The following PPFIA2 variants were observed in gnomAD, a reference collection of about 807,000 sequenced individuals.
PPFIA2 encodes the protein liprin-alpha-2.
A neutral mutation model predicts 175.5 loss-of-function variants in PPFIA2; 46 were observed. That is an observed-to-expected ratio of 0.26 (90% CI 0.21 to 0.34). PPFIA2 has a LOEUF of 0.34. Among genes scored for constraint, PPFIA2 ranks in the 10% least tolerant of loss-of-function variants. The pLI is 1.00. For missense variants in PPFIA2, 1,179 were observed against 1,506.1 expected (o/e 0.78, Z 3.60); for synonymous variants, 568 against 511.4 (o/e 1.11, Z -1.49).
At position 81,358,098 on chromosome 12, in the gene PPFIA2, C is replaced by T. The variant is rs1250212977; in HGVS notation, c.1757G>A (p.Arg586Gln). The T allele has an allele frequency of 5.0e-6, 8 of 1,603,732 alleles. No homozygotes were observed. The highest frequency in any genetic ancestry group is 1.7e-4 in the Middle Eastern group (1 of 6,058). Residue 586 changes from arginine (R) to glutamine (Q), a missense_variant, in exon 16 of 33, where the codon CGA becomes CAA. Around this residue, in one of 10 missense-constraint regions of PPFIA2, gnomAD observed 186 missense variants for 163.6 expected, o/e 1.14. Coordinates refer to ENST00000549396, the MANE Select transcript of PPFIA2 (RefSeq NM_003625.5). ...AAGATTAACCTTTGGCTCATCTCTT[C>T]GCACACCCATGCGGCCTCTCCTTGG... ...RRPRRGRMGVRRDEPKVKSLG... is the reference protein window; with the variant it reads ...RRPRRGRMGVQRDEPKVKSLG...
intron 3 of PPFIA2, among the ~76,000 whole-genome samples, chr12:81,697,783 CA>C (rs1205299066): frequency 9.2e-5 from 14 of 152,100 alleles, no homozygotes; most frequent in African/African-American, 3.1e-4. Context: ...CTGGATCAAT[CA>C]GTGTCTGCAT....
chr12:81,593,367 T>A (rs1055182795), intron 4 of PPFIA2, among the ~76,000 whole-genome samples: 22 of 152,196 alleles, frequency 1.4e-4, no homozygotes, highest in African/African-American at 5.3e-4. Context: ...CACAAGCAAA[T>A]TTACATTTAT....
At chr12:81,422,971 G>T (rs2046550014) in intron 7 of PPFIA2, among the ~76,000 whole-genome samples, 1 of 151,944 alleles carries the variant, frequency 6.6e-6, no homozygotes, top group African/African-American at 2.4e-5. Context: ...AAAATATAAA[G>T]GATCATAAGA....
chr12:81,732,705 A>G (rs913605432), intron 3 of PPFIA2, among the ~76,000 whole-genome samples: 1 of 151,610 alleles, frequency 6.6e-6, no homozygotes, highest in Non-Finnish European at 1.5e-5. Flanking sequence ...ATAATTGCTC[A>G]TGATATGTTA....
chr12:81,636,362 T>G (rs2064038400), intron 4 of PPFIA2, among the ~76,000 whole-genome samples: 1 of 146,854 alleles, frequency 6.8e-6, no homozygotes, highest in East Asian at 2.1e-4. Flanking sequence ...GCCTCCCGGG[T>G]TCACGCCATT....
intron 28 of PPFIA2, among the ~76,000 whole-genome samples, chr12:81,273,098 T>C (rs1410070548): frequency 6.6e-6 from 1 of 152,230 alleles, no homozygotes; most frequent in East Asian, 1.9e-4. Flanking sequence ...TACTGTATTA[T>C]CATGAGATTA....
chr12:81,404,461 T>C (rs1328596432), intron 8 of PPFIA2, among the ~76,000 whole-genome samples: 1 of 152,162 alleles, frequency 6.6e-6, no homozygotes, highest in African/African-American at 2.4e-5. Flanking sequence ...CTAAACTGAG[T>C]GCTGAGTGAA....
At chr12:81,271,148 T>C (rs2038980142) in intron 28 of PPFIA2, among the ~76,000 whole-genome samples, 2 of 152,276 alleles carry the variant, frequency 1.3e-5, no homozygotes, top group Admixed American at 6.5e-5. Context: ...CCATTTAATA[T>C]TATTACTTTG....
Position 81,365,202 on chromosome 12 carries a change from A to G in PPFIA2, c.1545+1906T>C, listed in dbSNP as rs568076668. On this transcript the variant is annotated intron_variant, in intron 14 of 32. Coordinates refer to ENST00000549396, the MANE Select transcript of PPFIA2 (RefSeq NM_003625.5). ...TTGTAGAGATAAAGATGGAAAGGGA[A>G]ACACTGAGAAAAGAGTTTGAGCCTA... is the stretch of plus-strand genomic sequence containing the variant. 2.0e-5 allele frequency among the ~76,000 whole-genome samples: 3 copies of G among 151,888 alleles called. No individual in the cohort carries two copies. The South Asian group carries it at 6.2e-4, about 31-fold the overall frequency.
chr12:81,408,249 T>G (rs549298579), intron 7 of PPFIA2, among the ~76,000 whole-genome samples: 7 of 152,194 alleles, frequency 4.6e-5, no homozygotes, highest in Non-Finnish European at 1.0e-4. Flanking sequence ...AACTTATTGC[T>G]TTTTGCATAA....
intron 22 of PPFIA2, chr12:81,312,094 G>GAAAAAAGAAA (rs2051057838): frequency 6.7e-7 from 1 of 1,491,752 alleles, no homozygotes; most frequent in Non-Finnish European, 9.0e-7. Context: ...GTAATACTCT[G>GAAAAAAGAAA]AAAAAAGAAA....
chr12:81,407,464 C>G (rs966117867), intron 7 of PPFIA2, among the ~76,000 whole-genome samples: 1 of 146,618 alleles, frequency 6.8e-6, no homozygotes, highest in Admixed American at 6.8e-5. Context: ...GCCTGGGCGA[C>G]AGAGGGAGAC....
intron 4 of PPFIA2, among the ~76,000 whole-genome samples, chr12:81,584,120 T>C (rs938794723): frequency 2.0e-5 from 3 of 151,884 alleles, no homozygotes; most frequent in Non-Finnish European, 4.4e-5. Flanking sequence ...GAAAATATAC[T>C]TCACATCTAA....
intron 13 of PPFIA2, chr12:81,368,188 C>T (rs1161531865): frequency 2.3e-6 from 3 of 1,276,770 alleles, no homozygotes; most frequent in East Asian, 1.1e-4. Flanking sequence ...ACATATATAA[C>T]TGTAAATCAC....
At chr12:81,611,726 C>T (rs115364498) in intron 4 of PPFIA2, among the ~76,000 whole-genome samples, 1,579 of 152,172 alleles carry the variant, frequency 0.01, 32 homozygotes, top group African/African-American at 0.033. Flanking sequence ...AGTGGGGAGG[C>T]GGGCCCAAGT....
chr12:81,402,816 T>C (rs1298929698), intron 8 of PPFIA2, among the ~76,000 whole-genome samples: 1 of 152,148 alleles, frequency 6.6e-6, no homozygotes, highest in African/African-American at 2.4e-5. Context: ...TTCATGCCAC[T>C]GCACTACAGC....
At chr12:81,707,859 C>A (rs1327827472) in intron 3 of PPFIA2, among the ~76,000 whole-genome samples, 1 of 150,914 alleles carries the variant, frequency 6.6e-6, no homozygotes, top group African/African-American at 2.4e-5. Context: ...ATGATGAGTT[C>A]ATGTCCTTTG....
At chr12:81,633,221 C>T (rs2153502070) in intron 4 of PPFIA2, among the ~76,000 whole-genome samples, 1 of 152,186 alleles carries the variant, frequency 6.6e-6, no homozygotes, top group Non-Finnish European at 1.5e-5. Context: ...AAATATTTTA[C>T]AATCTCATAC....
At chr12:81,533,006 T>C (rs897482507) in intron 4 of PPFIA2, among the ~76,000 whole-genome samples, 3 of 151,676 alleles carry the variant, frequency 2.0e-5, no homozygotes, top group Non-Finnish European at 4.4e-5. Context: ...TGTATTTGGT[T>C]TTTGGCCAAA....
Sources: gnomAD v4.1 joint callset for allele counts (sites outside exome capture counted in the v4.1 genomes callset) on GRCh38, gnomAD v4.1.1 for gene constraint, gnomAD v4.1.1 regional missense constraint, MANE v1.5 for transcripts, NCBI Gene and HGNC (gene_info 2026-07-23, HGNC 2026-07-21) for gene names.